CFHR3: variants seen among roughly 807,000 people sequenced by gnomAD.
CFHR3 encodes the protein complement factor H-related protein 3.
CFHR3 carries 22 observed loss-of-function variants against 36.0 expected under a neutral mutation model. That is an observed-to-expected ratio of 0.61 (90% CI 0.44 to 0.87). CFHR3 has a LOEUF of 0.87. Among genes scored for constraint, CFHR3 ranks in the 40% least tolerant of loss-of-function variants. CFHR3 has a pLI of 0.00. For missense variants in CFHR3, 276 were observed against 401.3 expected, an observed-to-expected ratio of 0.69 and a Z score of 2.67; for synonymous variants, 97 against 137.4, an observed-to-expected ratio of 0.71 and a Z score of 2.06.
intron 1 of CFHR3, 144 bp downstream of exon 1, chr1:196,775,088 A>T: frequency 1.5e-6 from 1 of 678,730 alleles, no homozygotes. Flanking sequence ...TTGTGAGAGT[A>T]TAACAGAAAT....
At chr1:196,783,856 G>A (rs1410834814) in intron 3 of CFHR3, among the ~76,000 whole-genome samples, 2 of 135,398 alleles carry the variant, frequency 1.5e-5, no homozygotes, top group East Asian at 3.9e-4. Context: ...CTTTGAATGT[G>A]TTTGCTCTTG....
chr1:196,779,437 G>C, intron 2 of CFHR3, 81 bp downstream of exon 2: 1 of 1,116,766 alleles, frequency 9.0e-7, no homozygotes, highest in Admixed American at 1.8e-5. Flanking sequence ...GATTACTCTT[G>C]TCTTATGTAA....
At chr1:196,789,332 C>A in intron 4 of CFHR3, 1 of 889,862 alleles carries the variant, frequency 1.1e-6, no homozygotes, top group Non-Finnish European at 1.3e-6. Flanking sequence ...AAGTGATTAT[C>A]TCAATGTTAT....
At chr1:196,777,072 G>T in intron 1 of CFHR3, among the ~76,000 whole-genome samples, 1 of 134,926 alleles carries the variant, frequency 7.4e-6, no homozygotes, top group Non-Finnish European at 1.6e-5. Flanking sequence ...TTTTTTTAAT[G>T]GTGGTTGATG....
intron 5 of CFHR3, among the ~76,000 whole-genome samples, chr1:196,791,677 G>A: frequency 7.6e-6 from 1 of 132,056 alleles, no homozygotes; most frequent in Non-Finnish European, 1.6e-5. Flanking sequence ...AGATGATCAT[G>A]TCCAAGTTTG....
At chr1:196,778,006 A>G (rs1404234933) in intron 1 of CFHR3, among the ~76,000 whole-genome samples, 1 of 133,920 alleles carries the variant, frequency 7.5e-6, no homozygotes, top group Non-Finnish European at 1.6e-5. Flanking sequence ...AAAAAAAGAA[A>G]AGAAAGAAAA....
At chr1:196,777,204 A>T (rs1653756316) in intron 1 of CFHR3, among the ~76,000 whole-genome samples, 1 of 137,090 alleles carries the variant, frequency 7.3e-6, no homozygotes, top group African/African-American at 3.0e-5. Context: ...ATTTGTATTG[A>T]CCAATATTTC....
In CFHR3 at chr1:196,788,816, C is replaced by T; in HGVS notation, c.613+418C>T. 7 of 1,457,148 alleles carry T rather than the reference C, an allele frequency of 4.8e-6. 2 individuals are homozygous for T. Among genetic ancestry groups the T allele is most frequent in the Admixed American group, 2.0e-5 (1 of 49,202 alleles). The allele number at this position is 1,457,148 out of a possible 1,614,324, so 90.3% of individuals were successfully genotyped here. On this transcript the variant is annotated intron_variant, in intron 4 of 5. Coordinates refer to ENST00000367425, the MANE Select transcript of CFHR3 (RefSeq NM_021023.6). ...TCGGGGGAGAAATGAGTGCTTAATT[C>T]TGAATTTCTGCTAGCGTCAGGAGAA...
chr1:196,780,714 CT>C (rs1372294985), intron 3 of CFHR3, among the ~76,000 whole-genome samples: 1 of 135,508 alleles, frequency 7.4e-6, no homozygotes, highest in East Asian at 2.0e-4. Context: ...TTGTTCTTTC[CT>C]TTTTTCTGCA....
chr1:196,787,321 C>T lies in CFHR3; in HGVS notation c.431-895C>T, dbSNP rs527696496. Among the ~76,000 whole-genome samples, 210 of 136,890 alleles carry T rather than the reference C, an allele frequency of 1.5e-3. 56 individuals carry two copies. The highest frequency in any genetic ancestry group is 6.2e-3 in the African/African-American group (204 of 32,804). 89.8% of individuals were successfully genotyped at this position (136,890 alleles called of 152,430 possible). On this transcript the variant is annotated intron_variant, in intron 3 of 5. Coordinates refer to ENST00000367425, the MANE Select transcript of CFHR3 (RefSeq NM_021023.6). Reference sequence around the variant, plus strand: ...AAAATAAAGCTGTTTACAATAGAAACTGAACATTGTAGTTTAGAGGCTGGA... The same window carrying T: ...AAAATAAAGCTGTTTACAATAGAAATTGAACATTGTAGTTTAGAGGCTGGA...
chr1:196,788,880 A>C, intron 4 of CFHR3: 1 of 1,430,784 alleles, frequency 7.0e-7, no homozygotes, highest in Non-Finnish European at 9.2e-7. Context: ...GCTACTGAGG[A>C]TATCCAATCA....
At chr1:196,791,961 T>A (rs1397584150) in intron 5 of CFHR3, among the ~76,000 whole-genome samples, 1 of 134,616 alleles carries the variant, frequency 7.4e-6, no homozygotes, top group Non-Finnish European at 1.6e-5. Context: ...ACTTTCAGTC[T>A]TCAAAACTAA....
chr1:196,781,822 C>A lies in CFHR3; in HGVS notation c.430+1849C>A, dbSNP rs1433492346. On this transcript the variant is annotated intron_variant, in intron 3 of 5. Coordinates refer to ENST00000367425, the MANE Select transcript of CFHR3 (RefSeq NM_021023.6). ...TTTAGTTTAATTAGATCCCATTTGT[C>A]AATTTTGGCTTTTGTTGCCATTGCT... Among the ~76,000 whole-genome samples, 13 of 135,546 alleles carry A rather than the reference C, an allele frequency of 9.6e-5. 3 individuals carry two copies. The highest frequency in any genetic ancestry group is 2.5e-4 in the African/African-American group (8 of 32,306). 88.9% of individuals were successfully genotyped at this position (135,546 alleles called of 152,430 possible).
rs533123851 is a variant in CFHR3 at position 196,786,792 on chromosome 1, G to A, written c.431-1424G>A. ...AATGCCTTCCCCTGCTTTGGCTCACGCACGGTGCGCTGCACCCATTGTCCT... is the reference window on the plus strand; with the variant it reads ...AATGCCTTCCCCTGCTTTGGCTCACACACGGTGCGCTGCACCCATTGTCCT... On this transcript the variant is annotated intron_variant, in intron 3 of 5. Coordinates refer to ENST00000367425, the MANE Select transcript of CFHR3 (RefSeq NM_021023.6). Among the ~76,000 whole-genome samples the A allele has an allele frequency of 8.0e-5, 11 of 137,026 alleles. 3 individuals carry two copies. Among genetic ancestry groups the A allele is most frequent in the African/African-American group, 2.1e-4 (7 of 32,896 alleles). The allele number at this position is 137,026 out of a possible 152,430, so 89.9% of individuals were successfully genotyped here.
rs752529585 is a variant in CFHR3, at chr1:196,780,459, G to C, written c.430+486G>C. Among the ~76,000 whole-genome samples the C allele has an allele frequency of 2.2e-5, 3 of 136,822 alleles. 1 individual carries two copies. Among genetic ancestry groups the C allele is most frequent in the Non-Finnish European group, 4.6e-5 (3 of 64,536 alleles). 89.8% of individuals were successfully genotyped at this position (136,822 alleles called of 152,430 possible). A position where few individuals can be genotyped will look rare whatever the true frequency, so the allele number is the denominator to read the frequency against. On this transcript the variant is annotated intron_variant, in intron 3 of 5. Coordinates refer to ENST00000367425, the MANE Select transcript of CFHR3 (RefSeq NM_021023.6). ...ACATTTTAATATTTACAAGTTGAGT[G>C]GCTATAAAATGGTATAGCATTGTAA...
intron 5 of CFHR3, 61 bp from the exon 6 acceptor site, chr1:196,793,256 G>A (rs533563914): frequency 7.4e-7 from 1 of 1,348,570 alleles, no homozygotes; most frequent in East Asian, 2.4e-5. Flanking sequence ...TCATTAGGAT[G>A]CATTTTATTT....
rs1227067971 is a variant in CFHR3, at chr1:196,795,176, C to A, written c.*1663C>A. The A allele has an allele frequency of 7.3e-6, 1 of 136,762 alleles. No homozygotes were observed. The highest frequency in any genetic ancestry group is 1.5e-5 in the Non-Finnish European group (1 of 64,554). The allele number at this position is 136,762 out of a possible 1,614,324, so 8.5% of individuals were successfully genotyped here. A position where few individuals can be genotyped will look rare whatever the true frequency, so the allele number is the denominator to read the frequency against. On this transcript the variant is annotated 3_prime_UTR_variant, in exon 6 of 6. Coordinates refer to ENST00000367425, the MANE Select transcript of CFHR3 (RefSeq NM_021023.6). ...AATCACCATGCATCAAAGGTAGGGC[C>A]AGGTGGAGATAATGGAATCATGGGA...
At chr1:196,785,449 T>C (rs9660830) in intron 3 of CFHR3, among the ~76,000 whole-genome samples, 35,039 of 132,354 alleles carry the variant, frequency 0.26, 9,269 homozygotes, top group East Asian at 0.5. Context: ...ACCAATCAGA[T>C]GTAGATTTGG....
At chr1:196,780,689 T>C (rs1231557030) in intron 3 of CFHR3, among the ~76,000 whole-genome samples, 1 of 137,048 alleles carries the variant, frequency 7.3e-6, no homozygotes, top group East Asian at 1.9e-4. Context: ...AAATGCATTC[T>C]CTTTGTGGCT....
Sources: gnomAD v4.1 joint callset for allele counts (sites outside exome capture counted in the v4.1 genomes callset) on GRCh38, gnomAD v4.1.1 for gene constraint, MANE v1.5 for transcripts, NCBI Gene and HGNC (gene_info 2026-07-23, HGNC 2026-07-21) for gene names.